The following DRG1 variants were observed in gnomAD, a reference collection of about 807,000 sequenced individuals.
DRG1 encodes the protein developmentally regulated GTP binding protein 1, also known as developmentally-regulated GTP-binding protein 1.
Under a neutral mutation model 38.8 loss-of-function variants are expected in DRG1, and 19 were observed. The ratio of observed to expected loss-of-function variants is 0.49; its 90% CI spans 0.34 to 0.72. DRG1 has a LOEUF of 0.72. DRG1 is among the 30% of genes least tolerant of loss of function. The pLI is 0.01. For missense variants in DRG1, 299 were observed against 444.8 expected (o/e 0.67, Z 2.95); for synonymous variants, 167 against 157.5 (o/e 1.06, Z -0.45).
chr22:31,409,455 C>T (rs2050006921), intron 3 of DRG1, among the ~76,000 whole-genome samples: 1 of 152,050 alleles, frequency 6.6e-6, no homozygotes, highest in African/African-American at 2.4e-5. Context: ...AGTACAGATC[C>T]CTATCTGTTG....
chr22:31,412,248 C>T (rs1416404633), intron 4 of DRG1, among the ~76,000 whole-genome samples: 2 of 149,584 alleles, frequency 1.3e-5, no homozygotes, highest in South Asian at 2.1e-4. Context: ...GAGCTGAGAT[C>T]GTGCCAACAG....
At chr22:31,414,133 C>T (rs1377097445) in intron 4 of DRG1, among the ~76,000 whole-genome samples, 1 of 152,174 alleles carries the variant, frequency 6.6e-6, no homozygotes, top group African/African-American at 2.4e-5. Flanking sequence ...GCCCCAACAC[C>T]TAATCTTGGA....
chr22:31,417,908 T>C (rs1286723628), intron 4 of DRG1, among the ~76,000 whole-genome samples: 2 of 150,800 alleles, frequency 1.3e-5, no homozygotes, highest in East Asian at 1.9e-4. Context: ...GAGAATTGCT[T>C]GAACCCAGGA....
At chr22:31,405,172 CTT>C (rs1278780788) in intron 3 of DRG1, among the ~76,000 whole-genome samples, 21 of 138,986 alleles carry the variant, frequency 1.5e-4, no homozygotes, top group Admixed American at 2.9e-4. Context: ...AATAAATTTT[CTT>C]TTTTTTTTTT....
intron 8 of DRG1, among the ~76,000 whole-genome samples, chr22:31,430,288 T>C (rs1311622905): frequency 6.6e-6 from 1 of 152,214 alleles, no homozygotes; most frequent in Admixed American, 6.5e-5. Flanking sequence ...CAACTGTATT[T>C]CTGTATCTGT....
intron 2 of DRG1, 130 bp downstream of exon 2, chr22:31,400,873 G>GATTGC: frequency 8.8e-7 from 1 of 1,130,296 alleles, no homozygotes; most frequent in Non-Finnish European, 1.2e-6. Context: ...AGCATGCTGG[G>GATTGC]AGGCTGAGAT....
chr22:31,431,019 T>TTCCC (rs2050135563), intron 8 of DRG1, among the ~76,000 whole-genome samples: 5 of 81,018 alleles, frequency 6.2e-5, no homozygotes, highest in African/African-American at 2.5e-4. Context: ...CACCCGGCCT[T>TTCCC]CCCCCCCCCC....
At chr22:31,412,551 G>A (rs1229571667) in intron 4 of DRG1, among the ~76,000 whole-genome samples, 2 of 151,360 alleles carry the variant, frequency 1.3e-5, no homozygotes, top group Admixed American at 6.6e-5. Context: ...GGGTTTCATC[G>A]TGTTAGCCAG....
rs1269313629 is a variant in DRG1, at chr22:31,411,007, T to TGCAGCTCCTG, written c.343-3_349dup. The TGCAGCTCCTG allele has an allele frequency of 1.9e-6, 3 of 1,613,644 alleles. No homozygotes were observed. The highest frequency in any genetic ancestry group is 2.5e-6 in the Non-Finnish European group (3 of 1,179,768). On this transcript the variant is annotated splice_polypyrimidine_tract_variant and splice_region_variant and intron_variant, in intron 3 of 8. Coordinates refer to ENST00000331457, the MANE Select transcript of DRG1 (RefSeq NM_004147.4). ...CATCCTCTTCCCCCATTCTTAATCTTGCAGCTCCTGGATCTCCCAGGTATC... is the reference window on the plus strand; with the variant it reads ...CATCCTCTTCCCCCATTCTTAATCTTGCAGCTCCTGGCAGCTCCTGGATCTCCCAGGTATC...
intron 3 of DRG1, among the ~76,000 whole-genome samples, chr22:31,406,338 T>C (rs7293171): frequency 0.22 from 34,058 of 152,102 alleles, 4,872 homozygotes; most frequent in East Asian, 0.4. Flanking sequence ...AGTTTACATG[T>C]TAAGAACTTT....
At chr22:31,400,829 T>C in intron 2 of DRG1, 86 bp downstream of exon 2, 1 of 1,468,772 alleles carries the variant, frequency 6.8e-7, no homozygotes, top group Non-Finnish European at 9.2e-7. Flanking sequence ...TAACTAAAGA[T>C]GGCCCAGTGC....
chr22:31,402,086 T>A (rs2049964807), intron 2 of DRG1, among the ~76,000 whole-genome samples: 1 of 151,950 alleles, frequency 6.6e-6, no homozygotes, highest in South Asian at 2.1e-4. Context: ...CAAAGTAGAT[T>A]TATATTGGCT....
intron 6 of DRG1, among the ~76,000 whole-genome samples, chr22:31,424,111 C>A (rs1419314970): frequency 6.6e-6 from 1 of 151,598 alleles, no homozygotes; most frequent in East Asian, 2.0e-4. Flanking sequence ...TGATCCACCC[C>A]ACCTCGGTCT....
intron 4 of DRG1, among the ~76,000 whole-genome samples, chr22:31,413,166 G>A (rs5749268): frequency 0.23 from 34,430 of 151,688 alleles, 5,019 homozygotes; most frequent in East Asian, 0.46. Context: ...CTGATTGTAC[G>A]TAGCTCACCG....
Position 31,403,141 on chromosome 22 carries a change from C to T in DRG1, c.279C>T (p.Ala93=), listed in dbSNP as rs549007416. 1.2e-5 allele frequency: 20 copies of T among 1,613,976 alleles called. No individual in the cohort carries two copies. The highest frequency in any genetic ancestry group is 1.7e-5 in the Non-Finnish European group (20 of 1,179,988). ...CAGGGGTATATTCTGAGGTGGCAGC[C>T]TATGAATTCACTACTCTGACCACTG... ...NLAGVYSEVA[A]YEFTTLTTVP... Residue 93 remains alanine (A), a synonymous_variant, in exon 3 of 9, where the codon GCC becomes GCT. Coordinates refer to ENST00000331457, the MANE Select transcript of DRG1 (RefSeq NM_004147.4).
At chr22:31,418,716 C>G (rs2145865968) in intron 4 of DRG1, among the ~76,000 whole-genome samples, 1 of 152,092 alleles carries the variant, frequency 6.6e-6, no homozygotes, top group South Asian at 2.1e-4. Flanking sequence ...GATTCTCGCT[C>G]TGTTGCCCAG....
intron 3 of DRG1, 85 bp from the exon 4 acceptor site, chr22:31,410,927 G>T: frequency 1.4e-6 from 2 of 1,407,172 alleles, no homozygotes; most frequent in South Asian, 2.4e-5. Flanking sequence ...ATAGGTACTT[G>T]AGAAATAAAT....
intron 4 of DRG1, 115 bp downstream of exon 4, chr22:31,411,196 C>A: frequency 9.2e-7 from 1 of 1,085,024 alleles, no homozygotes; most frequent in Non-Finnish European, 1.4e-6. Context: ...ATAGTTTCAC[C>A]TGACTTCTCA....
At position 31,419,322 on chromosome 22, in the gene DRG1, TAATAAA is replaced by T. The variant is rs574726437; in HGVS notation, c.413-928_413-923del. On this transcript the variant is annotated intron_variant, in intron 4 of 8. Transcript: ENST00000331457. Reference sequence around the variant, plus strand: ...TGTCTCTGTCAATATAAATATATATTAATAAAAATAAGATATGCAGGCACAAAAGAC... The same window carrying T: ...TGTCTCTGTCAATATAAATATATATTAATAAGATATGCAGGCACAAAAGAC... 5.6e-3 allele frequency among the ~76,000 whole-genome samples: 852 copies of T among 151,490 alleles called. 4 individuals carry two copies. The highest frequency in any genetic ancestry group is 0.01 in the Middle Eastern group (3 of 286).
Sources: allele counts gnomAD v4.1 joint callset (sites outside exome capture counted in the v4.1 genomes callset), GRCh38; gene constraint gnomAD v4.1.1; transcripts MANE v1.5; gene names NCBI Gene and HGNC (gene_info 2026-07-23, HGNC 2026-07-21).